CLDN7: variants seen among roughly 807,000 people sequenced by gnomAD.
CLDN7 encodes claudin-7.
A neutral mutation model predicts 20.3 loss-of-function variants in CLDN7; 15 were observed. The observed-to-expected ratio is 0.74, with a 90% CI of 0.49 to 1.14. The LOEUF (loss-of-function observed/expected upper bound fraction) is 1.14. Ranked by LOEUF, CLDN7 falls within the 50% of genes most tolerant of loss-of-function variation. The pLI is 0.00. For missense variants in CLDN7, 261 were observed against 274.2 expected (o/e 0.95, Z 0.34); for synonymous variants, 117 against 106.1 (o/e 1.10, Z -0.63).
In CLDN7 at chr17:7,260,724, G is replaced by C; in HGVS notation, c.391C>G (p.Leu131Val). ...GGGIIFIVAG[L>V]AALVACSWYG... ...CAGGAGCAAGCTACCAAGGCGGCAA[G>C]ACCTGGAGACAGAATGAGGGTTTCA... Residue 131 changes from leucine (L) to valine (V), a missense_variant and splice_region_variant, in exon 3 of 4, where the codon CTT (leucine) becomes GTT (valine). Physicochemically the swap from Leu to Val is conservative, Grantham distance 32 (BLOSUM62 1). Coordinates refer to ENST00000360325, the MANE Select transcript of CLDN7 (RefSeq NM_001307.6). The C allele has an allele frequency of 6.2e-7, 1 of 1,614,240 alleles. No individual in the cohort carries two copies. The highest frequency in any genetic ancestry group is 8.5e-7 in the Non-Finnish European group (1 of 1,180,040).
chr17:7,260,143 C>A lies in CLDN7; in HGVS notation c.*231G>T. The A allele has an allele frequency of 2.3e-6, 1 of 434,662 alleles. No homozygotes were observed. The allele number at this position is 434,662 out of a possible 1,614,324, so 26.9% of individuals were successfully genotyped here. Reference sequence around the variant, plus strand: ...CCTGAAGGGAAAAAAGCCTGCTTCCCAATACTTATTTTTTATTACTGTACA... The same window carrying A: ...CCTGAAGGGAAAAAAGCCTGCTTCCAAATACTTATTTTTTATTACTGTACA... On this transcript the variant is annotated 3_prime_UTR_variant, in exon 4 of 4. Coordinates refer to ENST00000360325, the MANE Select transcript of CLDN7 (RefSeq NM_001307.6).
rs1305394346 is a variant in CLDN7 at position 7,260,920 on chromosome 17, C to A, written c.289G>T (p.Val97Leu). ...SLVLGFLAMF[V>L]ATMGMKCTRC... Reference sequence around the variant, plus strand: ...GTGCACTTCATGCCCATCGTGGCCACAAACATGGCCAGGAAGCCCAGCACC... The same window carrying A: ...GTGCACTTCATGCCCATCGTGGCCAAAAACATGGCCAGGAAGCCCAGCACC... The change falls in exon 2 of 4, where the codon GTG becomes TTG. Residue 97 changes from valine to leucine, a missense_variant. Coordinates refer to ENST00000360325, the MANE Select transcript of CLDN7 (RefSeq NM_001307.6). The A allele has an allele frequency of 1.9e-6, 3 of 1,614,028 alleles. No individual in the cohort carries two copies. The highest frequency in any genetic ancestry group is 2.5e-6 in the Non-Finnish European group (3 of 1,180,044).
chr17:7,262,136 GA>G lies in CLDN7; in HGVS notation c.-94del. The G allele has an allele frequency of 6.7e-7, 1 of 1,491,876 alleles. No individual in the cohort carries two copies. The highest frequency in any genetic ancestry group is 1.3e-5 in the South Asian group (1 of 75,764). 92.4% of individuals were successfully genotyped at this position (1,491,876 alleles called of 1,614,324 possible). A position where few individuals can be genotyped will look rare whatever the true frequency, so the allele number is the denominator to read the frequency against. On this transcript the variant is annotated 5_prime_UTR_variant, in exon 1 of 4. Coordinates refer to ENST00000360325, the MANE Select transcript of CLDN7 (RefSeq NM_001307.6). This position sits in a 1 kb window ranked among gnomAD's most constrained non-coding sequence, Gnocchi z 6.6. ...GGGGCAGCCCCACAAAAGAAAACTT[GA>G]GGTGGAGTTTTCCGGTCACCCAAAG...
rs2072202900 is a variant in CLDN7 at position 7,260,975 on chromosome 17, C to T, written c.234G>A (p.Gln78=). 2 of 1,611,226 alleles carry T rather than the reference C, an allele frequency of 1.2e-6. No homozygotes were observed. The highest frequency in any genetic ancestry group is 1.3e-5 in the African/African-American group (1 of 75,020). ...DSVLALSAAL[Q]ATRALMVVSL... is the part of the protein sequence containing the mutation. ...AGACCACCATTAGGGCTCGAGTGGCCTGCAAGGCCGCTGCGGGCGAGGGGA... is the reference window on the plus strand; with the variant it reads ...AGACCACCATTAGGGCTCGAGTGGCTTGCAAGGCCGCTGCGGGCGAGGGGA... The change falls in exon 2 of 4, where the codon CAG becomes CAA. Residue 78 remains glutamine, a synonymous_variant. Coordinates refer to ENST00000360325, the MANE Select transcript of CLDN7 (RefSeq NM_001307.6).
Position 7,261,930 on chromosome 17 carries a change from G to C in CLDN7, c.114C>G (p.Asp38Glu), listed in dbSNP as rs1239291208. Residue 38 changes from aspartate to glutamate, a missense_variant, in exon 1 of 4, where the codon GAC (aspartate) becomes GAG (glutamate). Transcript: ENST00000360325. Reference sequence around the variant, plus strand: ...ACATGGCCTGGGCCGTGATGATGTTGTCACCCGCATAGGAGCTCATCTGCC... The same window carrying C: ...ACATGGCCTGGGCCGTGATGATGTTCTCACCCGCATAGGAGCTCATCTGCC... The part of the protein sequence containing the change: ...PQWQMSSYAG[D>E]NIITAQAMYK... 2 of 1,614,172 alleles carry C rather than the reference G, an allele frequency of 1.2e-6. No homozygotes were observed. The highest frequency in any genetic ancestry group is 1.3e-5 in the African/African-American group (1 of 75,074).
At chr17:7,263,181 G>C (rs910819119), upstream of CLDN7, 4 of 169,734 alleles carry the variant, frequency 2.4e-5, no homozygotes, top group African/African-American at 9.6e-5. Context: ...CGGCATCAAG[G>C]CTCCTAACTG....
At position 7,259,975 on chromosome 17, in the gene CLDN7, G is replaced by A; in HGVS notation, c.*399C>T. 1 of 362,568 alleles carries A rather than the reference G, an allele frequency of 2.8e-6. No individual in the cohort carries two copies. 22.5% of individuals were successfully genotyped at this position (362,568 alleles called of 1,614,324 possible). ...TAGCTATTTAAATAAGAGGGGGGTG[G>A]GAATGAATGTCGAGATACGAGCACC... On this transcript the variant is annotated 3_prime_UTR_variant, in exon 4 of 4. Coordinates refer to ENST00000360325, the MANE Select transcript of CLDN7 (RefSeq NM_001307.6).
rs766489545 is a variant in CLDN7, at chr17:7,261,860, T to C, written c.184A>G (p.Met62Val). 1 of 1,614,074 alleles carries C rather than the reference T, an allele frequency of 6.2e-7. No individual in the cohort carries two copies. The highest frequency in any genetic ancestry group is 8.5e-7 in the Non-Finnish European group (1 of 1,180,054). ...ACCGAGTCGTACATTTTGCAGCTCA[T>C]CATCCCCGTGCTCTGCGTGACGCAG... ...MDCVTQSTGM[M>V]SCKMYDSVLA... The change falls in exon 1 of 4, where the codon ATG (methionine) becomes GTG (valine). Residue 62 changes from methionine (M) to valine (V), a missense_variant. Physicochemically the swap from Met to Val is conservative, Grantham distance 21. Coordinates refer to ENST00000360325, the MANE Select transcript of CLDN7 (RefSeq NM_001307.6).
In CLDN7 at chr17:7,260,251, A is replaced by C; in HGVS notation, c.*123T>G. On this transcript the variant is annotated 3_prime_UTR_variant, in exon 4 of 4. Coordinates refer to ENST00000360325, the MANE Select transcript of CLDN7 (RefSeq NM_001307.6). ...CCCAAGAGGACTATACATGGAGTGC[A>C]GGGACAGAGTGACCAGGAGGCCTTT... 2.1e-5 allele frequency: 17 copies of C among 815,200 alleles called. No homozygotes were observed. The highest frequency in any genetic ancestry group is 5.3e-5 in the Admixed American group (2 of 37,946). 50.5% of individuals were successfully genotyped at this position (815,200 alleles called of 1,614,324 possible).
chr17:7,261,634 C>T (rs1041459175), intron 1 of CLDN7, among the ~76,000 whole-genome samples, 187 bp downstream of exon 1: 1 of 152,138 alleles, frequency 6.6e-6, no homozygotes, highest in Non-Finnish European at 1.5e-5. Context: ...GAGGTGCGCG[C>T]CCACGTGCAG....
Position 7,259,947 on chromosome 17 carries a change from T to G in CLDN7, c.*427A>C. 2 of 396,140 alleles carry G rather than the reference T, an allele frequency of 5.0e-6. No homozygotes were observed. Among genetic ancestry groups the G allele is most frequent in the Non-Finnish European group, 8.7e-6 (2 of 229,400 alleles). 24.5% of individuals were successfully genotyped at this position (396,140 alleles called of 1,614,324 possible). Reference sequence around the variant, plus strand: ...TTTTTTTATTAAAAAAGAAGTACTTTGGTAGCTATTTAAATAAGAGGGGGG... The same window carrying G: ...TTTTTTTATTAAAAAAGAAGTACTTGGGTAGCTATTTAAATAAGAGGGGGG... On this transcript the variant is annotated 3_prime_UTR_variant, in exon 4 of 4. Transcript: ENST00000360325.
chr17:7,259,911 A>G lies in CLDN7; in HGVS notation c.*463T>C. 1 of 515,848 alleles carries G rather than the reference A, an allele frequency of 1.9e-6. No individual in the cohort carries two copies. 32.0% of individuals were successfully genotyped at this position (515,848 alleles called of 1,614,324 possible). A position where few individuals can be genotyped will look rare whatever the true frequency, so the allele number is the denominator to read the frequency against. On this transcript the variant is annotated 3_prime_UTR_variant, in exon 4 of 4. Coordinates refer to ENST00000360325, the MANE Select transcript of CLDN7 (RefSeq NM_001307.6). ...AGAGTAGAACACCCCCGTACCTAAT[A>G]AAAATCTTTATTTTTTTATTAAAAA...
upstream of CLDN7, chr17:7,262,843 C>T (rs1156464787): frequency 1.3e-5 from 2 of 152,190 alleles, no homozygotes; most frequent in East Asian, 1.9e-4. The surrounding 1 kb of genome is among the most constrained non-coding windows in gnomAD (Gnocchi z 6.6). Context: ...TGCGGGGCGC[C>T]CCTGACAAGC....
At chr17:7,261,215 C>T (rs1180442631) in intron 1 of CLDN7, 1 of 594,116 alleles carries the variant, frequency 1.7e-6, no homozygotes, top group Non-Finnish European at 2.9e-6. Context: ...CAAGGATCCG[C>T]CCGGGGCGCC....
At chr17:7,261,132 C>A in intron 1 of CLDN7, 147 bp from the exon 2 acceptor site, 1 of 1,128,000 alleles carries the variant, frequency 8.9e-7, no homozygotes, top group East Asian at 2.6e-5. Context: ...GTGTCCAAGA[C>A]CTGGGCCAAG....
upstream of CLDN7, chr17:7,262,518 G>A (rs891689951): frequency 6.6e-5 from 40 of 608,620 alleles, no homozygotes; most frequent in Non-Finnish European, 7.8e-5. This position sits in a 1 kb window ranked among gnomAD's most constrained non-coding sequence, Gnocchi z 6.6. Flanking sequence ...AGGGCGTCGG[G>A]GGCGCGGCCC....
chr17:7,261,392 T>G (rs1397964425), intron 1 of CLDN7, among the ~76,000 whole-genome samples: 1 of 152,030 alleles, frequency 6.6e-6, no homozygotes, highest in African/African-American at 2.4e-5. Context: ...AATCGGCCGA[T>G]AAGATTAGAG....
chr17:7,262,572 C>T (rs996223735), upstream of CLDN7: 13 of 193,836 alleles, frequency 6.7e-5, no homozygotes, highest in Non-Finnish European at 1.1e-4. This position sits in a 1 kb window ranked among gnomAD's most constrained non-coding sequence, Gnocchi z 6.6. Context: ...ACCGGAGGGG[C>T]GGCCGAGGAT....
rs1335534256 is a variant in CLDN7 at position 7,262,458 on chromosome 17, G to A, written c.-415C>T. ...CGGTGCGCAGCAGAGGTGGCTCGGA[G>A]GTGAGCCAGCAGGTGCGGGCGGACA... On this transcript the variant is annotated 5_prime_UTR_variant, in exon 1 of 4. Transcript: ENST00000360325. The surrounding 1 kb of genome is among the most constrained non-coding windows in gnomAD (Gnocchi z 6.6). The A allele has an allele frequency of 7.0e-6, 7 of 1,003,112 alleles. No homozygotes were observed. The African/African-American group carries it at 8.7e-5, about 12-fold the overall frequency. 62.1% of individuals were successfully genotyped at this position (1,003,112 alleles called of 1,614,324 possible). A position where few individuals can be genotyped will look rare whatever the true frequency, so the allele number is the denominator to read the frequency against.
Sources: allele counts gnomAD v4.1 joint callset (sites outside exome capture counted in the v4.1 genomes callset), GRCh38; gene constraint gnomAD v4.1.1; non-coding constraint Gnocchi (gnomAD v3.1); transcripts MANE v1.5; gene names NCBI Gene and HGNC (gene_info 2026-07-23, HGNC 2026-07-21).